Variants in SASH1 observed in about 807,000 individuals in gnomAD.
SASH1 encodes the protein SAM and SH3 domain containing 1, also known as SAM and SH3 domain-containing protein 1.
A neutral mutation model predicts 125.2 loss-of-function variants in SASH1; 44 were observed. That is an observed-to-expected ratio of 0.35 (90% CI 0.28 to 0.45). The LOEUF (loss-of-function observed/expected upper bound fraction) is 0.45. Among genes scored for constraint, SASH1 ranks in the 20% least tolerant of loss-of-function variants. The pLI is 1.00. For missense variants in SASH1, 1,426 were observed against 1,614.5 expected (o/e 0.88, Z 2.00); for synonymous variants, 639 against 649.1 (o/e 0.98, Z 0.24).
chr6:148,342,248 G>T (rs994276069), upstream of SASH1, among the ~76,000 whole-genome samples: 1 of 152,188 alleles, frequency 6.6e-6, no homozygotes, highest in African/African-American at 2.4e-5. Context: ...GTTTTGCAGA[G>T]AAGTCTTGGC....
the SASH1 span, among the ~76,000 whole-genome samples, chr6:148,256,816 T>C: frequency 6.6e-6 from 1 of 152,150 alleles, no homozygotes; most frequent in Non-Finnish European, 1.5e-5. Context: ...TTTTACTGAA[T>C]GTAAATTCAG....
chr6:148,544,272 T>C lies in SASH1; in HGVS notation c.2802T>C (p.Ala934=). ...PPQCLPRNYD[A]QPPGAKHGLA... ...AGTGTTTGCCCAGAAACTATGATGCTCAGCCTCCTGGAGCTAAACACGGTT... is the reference window on the plus strand; with the variant it reads ...AGTGTTTGCCCAGAAACTATGATGCCCAGCCTCCTGGAGCTAAACACGGTT... Residue 934 remains alanine (A), a synonymous_variant, in exon 18 of 20, where the codon GCT becomes GCC. Transcript: ENST00000367467. This position sits in a 1 kb window ranked among gnomAD's most constrained non-coding sequence, Gnocchi z 6.4. The C allele has an allele frequency of 6.2e-7, 1 of 1,614,134 alleles. No individual in the cohort carries two copies. Among genetic ancestry groups the C allele is most frequent in the Non-Finnish European group, 8.5e-7 (1 of 1,180,024 alleles).
chr6:148,228,028 A>G, the SASH1 span, among the ~76,000 whole-genome samples: 1 of 152,202 alleles, frequency 6.6e-6, no homozygotes, highest in Non-Finnish European at 1.5e-5. Flanking sequence ...AGTGCAAGAA[A>G]CATTACATTT....
intron 10 of SASH1, chr6:148,520,250 G>T (rs1452227316): frequency 4.6e-6 from 1 of 218,174 alleles, no homozygotes; most frequent in Non-Finnish European, 9.2e-6. Context: ...CCTCAGACAG[G>T]ACCCTGAGCA....
chr6:148,436,300 G>T (rs1254913572), intron 2 of SASH1, among the ~76,000 whole-genome samples: 4 of 152,092 alleles, frequency 2.6e-5, no homozygotes, highest in African/African-American at 9.6e-5. Context: ...AGACCAGCCT[G>T]GGCAACATGG....
Position 148,471,386 on chromosome 6 carries a change from C to CTTTT in SASH1, c.428-7_428-4dup, listed in dbSNP as rs35487674. On this transcript the variant is annotated intron_variant, in intron 5 of 19. Transcript: ENST00000367467. ...GAATTTATTGCTTGTGCTTTTTGTT[C>CTTTT]TTTTTTTTTTTTTTTTTTTTTTTTT... The CTTTT allele has an allele frequency of 1.0e-4, 51 of 503,550 alleles. 1 individual carries two copies. The highest frequency in any genetic ancestry group is 6.1e-4 in the Middle Eastern group (1 of 1,648). The allele number at this position is 503,550 out of a possible 1,614,324, so 31.2% of individuals were successfully genotyped here.
chr6:148,481,544 A>G (rs1363972602), intron 7 of SASH1, among the ~76,000 whole-genome samples: 12 of 152,174 alleles, frequency 7.9e-5, no homozygotes, highest in Non-Finnish European at 2.9e-5. Context: ...TCTTCCTTAC[A>G]ATTTAAGGCA....
chr6:148,382,547 T>C lies in SASH1; in HGVS notation c.157-7587T>C, dbSNP rs112953168. 1.5e-3 allele frequency among the ~76,000 whole-genome samples: 227 copies of C among 152,162 alleles called. 2 individuals are homozygous for C. Among genetic ancestry groups the C allele is most frequent in the African/African-American group, 5.0e-3 (207 of 41,530 alleles). Reference sequence around the variant, plus strand: ...TCAGGTGATCCACCTGCCTTGGCCTTCCAAAGTGCTGGGATTACAGGCATG... The same window carrying C: ...TCAGGTGATCCACCTGCCTTGGCCTCCCAAAGTGCTGGGATTACAGGCATG... On this transcript the variant is annotated intron_variant, in intron 1 of 19. Coordinates refer to ENST00000367467, the MANE Select transcript of SASH1 (RefSeq NM_015278.5).
chr6:148,362,362 A>G lies in SASH1; in HGVS notation c.156+19139A>G, dbSNP rs529758038. ...CTCAGCCTCCCGAGTAGCTGGGATTACAGGCATGTGCCACCATGCCTGGCC... is the reference window on the plus strand; with the variant it reads ...CTCAGCCTCCCGAGTAGCTGGGATTGCAGGCATGTGCCACCATGCCTGGCC... On this transcript the variant is annotated intron_variant, in intron 1 of 19. Coordinates refer to ENST00000367467, the MANE Select transcript of SASH1 (RefSeq NM_015278.5). Among the ~76,000 whole-genome samples the G allele has an allele frequency of 7.2e-5, 11 of 151,916 alleles. No individual in the cohort carries two copies. In the East Asian group the frequency reaches 2.1e-3, roughly 30 times the overall value.
chr6:148,217,515 G>C, the SASH1 span, among the ~76,000 whole-genome samples: 1 of 152,086 alleles, frequency 6.6e-6, no homozygotes, highest in South Asian at 2.1e-4. Context: ...GGAAAACTGA[G>C]AACATCATCC....
chr6:148,198,341 C>A, the SASH1 span, among the ~76,000 whole-genome samples: 1 of 152,174 alleles, frequency 6.6e-6, no homozygotes, highest in African/African-American at 2.4e-5. Flanking sequence ...TTCTTTCTAG[C>A]AGTGTGAAAA....
intron 2 of SASH1, among the ~76,000 whole-genome samples, chr6:148,421,112 GAA>G (rs1491368176): frequency 1.9e-5 from 2 of 107,748 alleles, no homozygotes; most frequent in African/African-American, 7.1e-5. Flanking sequence ...GAAAAGAAAG[GAA>G]AAGAAAGGAA....
intron 8 of SASH1, among the ~76,000 whole-genome samples, chr6:148,498,492 A>G (rs1729167358): frequency 6.6e-6 from 1 of 152,104 alleles, no homozygotes; most frequent in South Asian, 2.1e-4. Flanking sequence ...ATATAATCTG[A>G]GGATACCTAT....
At chr6:148,312,818 C>G (rs1230838277) in intron 1 of SASH1, among the ~76,000 whole-genome samples, 2 of 151,854 alleles carry the variant, frequency 1.3e-5, no homozygotes, top group African/African-American at 4.8e-5. Flanking sequence ...TTCTATTGTC[C>G]TATAGGGATA....
chr6:148,217,457 C>T, the SASH1 span, among the ~76,000 whole-genome samples: 2 of 152,188 alleles, frequency 1.3e-5, no homozygotes, highest in African/African-American at 4.8e-5. Context: ...TCCATCCTCA[C>T]AGTAGCCTAT....
rs112258775 is a variant in SASH1, at chr6:148,378,022, T to A, written c.157-12112T>A. 9.3e-4 allele frequency among the ~76,000 whole-genome samples: 142 copies of A among 152,100 alleles called. 1 individual carries two copies. Among genetic ancestry groups the A allele is most frequent in the African/African-American group, 3.3e-3 (135 of 41,514 alleles). On this transcript the variant is annotated intron_variant, in intron 1 of 19. Transcript: ENST00000367467. Reference sequence around the variant, plus strand: ...AAGGGTTCAGATGCCAAACTTCCTGTTCCATTGACTGGAGTTCTCTGTCAC... The same window carrying A: ...AAGGGTTCAGATGCCAAACTTCCTGATCCATTGACTGGAGTTCTCTGTCAC...
rs75737887 is a variant in SASH1 at position 148,550,309 on chromosome 6, C to A, written c.*1751C>A. The stretch of plus-strand genomic sequence containing the variant: ...AATAGAAACACCTTGACCACAAGCC[C>A]TTGATTGAACATTTTATAATATTTC... On this transcript the variant is annotated 3_prime_UTR_variant, in exon 20 of 20. Transcript: ENST00000367467. 2 of 152,132 alleles carry A rather than the reference C, an allele frequency of 1.3e-5. No homozygotes were observed. Among genetic ancestry groups the A allele is most frequent in the Non-Finnish European group, 2.9e-5 (2 of 68,032 alleles). 9.4% of individuals were successfully genotyped at this position (152,132 alleles called of 1,614,324 possible).
At chr6:148,370,748 G>A (rs954399106) in intron 1 of SASH1, among the ~76,000 whole-genome samples, 2 of 150,120 alleles carry the variant, frequency 1.3e-5, no homozygotes, top group African/African-American at 2.5e-5. Context: ...AAGTGAACCC[G>A]GGAGGCGGAG....
At chr6:148,234,574 C>T in the SASH1 span, among the ~76,000 whole-genome samples, 9,487 of 151,962 alleles carry the variant, frequency 0.062, 361 homozygotes, top group Non-Finnish European at 0.087. Flanking sequence ...ACCTGTAATG[C>T]CAGCACTTTG....
Sources: gnomAD v4.1 joint callset for allele counts (sites outside exome capture counted in the v4.1 genomes callset) on GRCh38, gnomAD v4.1.1 for gene constraint, Gnocchi (gnomAD v3.1) non-coding constraint, MANE v1.5 for transcripts, NCBI Gene and HGNC (gene_info 2026-07-23, HGNC 2026-07-21) for gene names.